MIR2052HG: variants seen among roughly 807,000 people sequenced by gnomAD.
MIR2052HG encodes MIR2052 host gene.
intron 4 of MIR2052HG, among the ~76,000 whole-genome samples, chr8:74,739,499 A>C (rs1051819438): frequency 7.2e-5 from 11 of 152,202 alleles, no homozygotes; most frequent in African/African-American, 2.7e-4. Flanking sequence ...TTGCTTTGGA[A>C]CAAATACTTT....
intron 4 of MIR2052HG, among the ~76,000 whole-genome samples, chr8:74,748,212 T>C (rs1237869159): frequency 3.3e-5 from 5 of 152,240 alleles, no homozygotes; most frequent in Non-Finnish European, 7.3e-5. Context: ...GCTGGCACTT[T>C]GCCTATGACT....
intron 4 of MIR2052HG, among the ~76,000 whole-genome samples, chr8:74,721,339 C>T (rs1409262440): frequency 1.3e-5 from 2 of 152,186 alleles, no homozygotes; most frequent in Non-Finnish European, 2.9e-5. Context: ...TCTATTGCTG[C>T]ATGACAAATG....
chr8:74,733,922 T>C (rs1379553340), intron 4 of MIR2052HG, among the ~76,000 whole-genome samples: 2 of 152,204 alleles, frequency 1.3e-5, no homozygotes, highest in Non-Finnish European at 2.9e-5. Context: ...CACTTTTTGA[T>C]GGCAAGGACT....
intron 1 of MIR2052HG, chr8:74,603,911 G>C: frequency 1.8e-6 from 2 of 1,110,264 alleles, no homozygotes; most frequent in Non-Finnish European, 2.8e-6. Flanking sequence ...TTTCCAATGA[G>C]AGAGCCACAC....
chr8:74,712,729 C>T (rs1809482671), intron 4 of MIR2052HG, among the ~76,000 whole-genome samples: 2 of 150,680 alleles, frequency 1.3e-5, no homozygotes, highest in South Asian at 4.2e-4. Context: ...ATCTATTCAC[C>T]TTGATCATTC....
intron 2 of MIR2052HG, among the ~76,000 whole-genome samples, chr8:74,700,845 GATT>G (rs1472692936): frequency 1.9e-4 from 29 of 152,100 alleles, no homozygotes; most frequent in Non-Finnish European, 4.0e-4. Flanking sequence ...AAAGCAAAGT[GATT>G]ATTAATTATT....
At chr8:74,702,362 C>A in intron 2 of MIR2052HG, 1 of 451,728 alleles carries the variant, frequency 2.2e-6, no homozygotes. Flanking sequence ...CTAACTCTCA[C>A]TAGCTTCCTT....
chr8:74,718,575 C>A (rs1809543867), intron 4 of MIR2052HG, among the ~76,000 whole-genome samples: 1 of 152,126 alleles, frequency 6.6e-6, no homozygotes, highest in Non-Finnish European at 1.5e-5. Context: ...AACTGATGTG[C>A]AGAACTTAGT....
intron 2 of MIR2052HG, among the ~76,000 whole-genome samples, chr8:74,652,157 C>T (rs1395253443): frequency 6.6e-6 from 1 of 152,164 alleles, no homozygotes; most frequent in Non-Finnish European, 1.5e-5. Flanking sequence ...TTTCACATTA[C>T]AGACTGTCTC....
intron 2 of MIR2052HG, among the ~76,000 whole-genome samples, chr8:74,627,488 T>C (rs1389079794): frequency 2.0e-5 from 3 of 152,234 alleles, no homozygotes; most frequent in Non-Finnish European, 4.4e-5. Context: ...ATATACTTAA[T>C]GCCTATTTGA....
At chr8:74,672,721 T>C (rs762027161) in intron 2 of MIR2052HG, among the ~76,000 whole-genome samples, 1 of 152,110 alleles carries the variant, frequency 6.6e-6, no homozygotes, top group Non-Finnish European at 1.5e-5. Context: ...CAATGTTTTA[T>C]TACTTTAATA....
chr8:74,608,945 T>C (rs2128731077), intron 1 of MIR2052HG, among the ~76,000 whole-genome samples: 1 of 151,968 alleles, frequency 6.6e-6, no homozygotes, highest in African/African-American at 2.4e-5. Context: ...CAGAACATAA[T>C]AATAAAAACC....
intron 4 of MIR2052HG, among the ~76,000 whole-genome samples, chr8:74,741,505 G>A (rs1218927212): frequency 6.6e-6 from 1 of 152,072 alleles, no homozygotes; most frequent in Non-Finnish European, 1.5e-5. Flanking sequence ...GTTGTTGTTT[G>A]TTGTCATCTC....
At chr8:74,624,273 T>C (rs1474637477) in intron 2 of MIR2052HG, among the ~76,000 whole-genome samples, 2 of 152,218 alleles carry the variant, frequency 1.3e-5, no homozygotes, top group Non-Finnish European at 2.9e-5. Flanking sequence ...ACATCACTGG[T>C]ACCACAGCCA....
intron 2 of MIR2052HG, among the ~76,000 whole-genome samples, chr8:74,633,981 G>A (rs1808551256): frequency 6.6e-6 from 1 of 152,192 alleles, no homozygotes; most frequent in African/African-American, 2.4e-5. Context: ...TTTTAAGAGG[G>A]AGAATGAAAG....
chr8:74,699,639 G>A (rs1809338272), intron 2 of MIR2052HG, among the ~76,000 whole-genome samples: 1 of 151,984 alleles, frequency 6.6e-6, no homozygotes, highest in Non-Finnish European at 1.5e-5. Context: ...CTTGGGGAAA[G>A]GCTGGGAGGT....
chr8:74,755,854 A>G lies in MIR2052HG; in HGVS notation n.465-2257A>G, dbSNP rs117796379. Among the ~76,000 whole-genome samples, 862 of 152,296 alleles carry G rather than the reference A, an allele frequency of 5.7e-3. 3 individuals are homozygous for G. Among genetic ancestry groups the G allele is most frequent in the Middle Eastern group, 0.041 (12 of 294 alleles). Reference sequence around the variant, plus strand: ...GGTAATTGGCAGGTACAAATGGCCAATCACGTGGCTGGGTACTGATCTGAG... The same window carrying G: ...GGTAATTGGCAGGTACAAATGGCCAGTCACGTGGCTGGGTACTGATCTGAG... On this transcript the variant is annotated intron_variant and non_coding_transcript_variant, in intron 5 of 6. Coordinates refer to ENST00000523442, the Ensembl canonical transcript of MIR2052HG.
rs530862049 is a variant in MIR2052HG at position 74,682,242 on chromosome 8, G to A, written n.217-20137G>A. On this transcript the variant is annotated intron_variant and non_coding_transcript_variant, in intron 2 of 6. Transcript: ENST00000523442. ...AAGGGTGACTACCTTAATGAGTTCA[G>A]GATATAGAAAAGTTTTTAATGAGGC... Among the ~76,000 whole-genome samples the A allele has an allele frequency of 4.6e-5, 7 of 152,134 alleles. 1 individual carries two copies. In the East Asian group the frequency reaches 1.4e-3, roughly 29 times the overall value.
At chr8:74,603,895 C>A (rs1563509143) in intron 1 of MIR2052HG, 1 of 1,098,684 alleles carries the variant, frequency 9.1e-7, no homozygotes, top group Non-Finnish European at 1.4e-6. Flanking sequence ...GATCTTGCAA[C>A]CACCTTTTCC....
Sources: gnomAD v4.1 joint callset for allele counts (sites outside exome capture counted in the v4.1 genomes callset) on GRCh38, gnomAD v4.1.1 for gene constraint, MANE v1.5 for transcripts, NCBI Gene and HGNC (gene_info 2026-07-23, HGNC 2026-07-21) for gene names.